The following MRO variants were observed in gnomAD, a reference collection of about 807,000 sequenced individuals.
The protein encoded by MRO is maestro.
Under a neutral mutation model 31.0 loss-of-function variants are expected in MRO, and 28 were observed. That is an observed-to-expected ratio of 0.90 (90% confidence interval 0.67 to 1.24). The LOEUF is 1.24. Among genes scored for constraint, MRO ranks in the 50% most tolerant of loss-of-function variants. MRO has a pLI of 0.00. For missense variants in MRO, 332 were observed against 289.2 expected (o/e 1.15, Z -1.07); for synonymous variants, 108 against 108.4 (o/e 1.00, Z 0.02).
At chr18:50,817,710 G>C (rs894262406) in intron 2 of MRO, among the ~76,000 whole-genome samples, 1 of 150,384 alleles carries the variant, frequency 6.6e-6, no homozygotes, top group Non-Finnish European at 1.5e-5. Context: ...GGAAGTCAGG[G>C]AGGGAGCTGG....
At chr18:50,800,206 G>A (rs1231987028) in intron 6 of MRO, 63 bp from the exon 7 acceptor site, 3 of 1,202,098 alleles carry the variant, frequency 2.5e-6, no homozygotes, top group Non-Finnish European at 3.6e-6. Context: ...GCAAGGAAAA[G>A]TATCCTAGAG....
Position 50,809,367 on chromosome 18 carries a change from G to C in MRO, c.34C>G (p.Pro12Ala). The change falls in exon 3 of 8, where the codon CCC becomes GCC. Residue 12 changes from proline to alanine, a missense_variant. Coordinates refer to ENST00000398439, the MANE Select transcript of MRO (RefSeq NM_031939.6). Reference protein sequence around the residue: ...DQRQRRILGQPLSIPTSQPKQ... With the variant: ...DQRQRRILGQALSIPTSQPKQ... ...GGCTGGGAAGTAGGGATGGAAAGGGGCTGGCCCAGGATTCTCCTCTGTCTT... is the reference window on the plus strand; with the variant it reads ...GGCTGGGAAGTAGGGATGGAAAGGGCCTGGCCCAGGATTCTCCTCTGTCTT... 6.2e-7 allele frequency: 1 copy of C among 1,613,686 alleles called. No homozygotes were observed. The highest frequency in any genetic ancestry group is 8.5e-7 in the Non-Finnish European group (1 of 1,179,806).
At position 50,798,469 on chromosome 18, in the gene MRO, A is replaced by C. The variant is rs1912970596; in HGVS notation, c.*868T>G. ...ATGATTATTGAGTATGGGCTCAAGAAGTCAGACCGTACATGTTTGAATTCC... is the reference window on the plus strand; with the variant it reads ...ATGATTATTGAGTATGGGCTCAAGACGTCAGACCGTACATGTTTGAATTCC... On this transcript the variant is annotated 3_prime_UTR_variant, in exon 8 of 8. Transcript: ENST00000398439. The C allele has an allele frequency of 6.6e-6, 1 of 152,224 alleles. No homozygotes were observed. The highest frequency in any genetic ancestry group is 2.4e-5 in the African/African-American group (1 of 41,456). 9.4% of individuals were successfully genotyped at this position (152,224 alleles called of 1,614,324 possible).
At chr18:50,804,701 A>T (rs970732559) in intron 5 of MRO, among the ~76,000 whole-genome samples, 3 of 152,206 alleles carry the variant, frequency 2.0e-5, no homozygotes, top group Admixed American at 2.0e-4. Flanking sequence ...CCCCTAGCAC[A>T]GTACTAGTCT....
intron 2 of MRO, chr18:50,815,041 T>G (rs1280683720): frequency 6.1e-6 from 1 of 164,806 alleles, no homozygotes; most frequent in Non-Finnish European, 1.3e-5. Flanking sequence ...AGCTGGGTGA[T>G]AGAGCAAGAC....
chr18:50,815,445 T>C (rs781106393), intron 2 of MRO: 1 of 264,676 alleles, frequency 3.8e-6, no homozygotes, highest in South Asian at 4.7e-5. Flanking sequence ...GTAGCCACTA[T>C]GGGTGGTGAT....
rs572927008 is a variant in MRO at position 50,796,190 on chromosome 18, T to C, written c.*3147A>G. On this transcript the variant is annotated 3_prime_UTR_variant, in exon 8 of 8. Transcript: ENST00000398439. The stretch of plus-strand genomic sequence containing the variant: ...AACTTGAAATGCACAAGCATAAAAG[T>C]AACCTGTACATTGGTTATAAGGAAT... 1.3e-5 allele frequency: 2 copies of C among 152,300 alleles called. No individual in the cohort carries two copies. The highest frequency in any genetic ancestry group is 4.1e-4 in the South Asian group (2 of 4,832). 9.4% of individuals were successfully genotyped at this position (152,300 alleles called of 1,614,324 possible).
Position 50,805,225 on chromosome 18 carries a change from T to G in MRO, c.358A>C (p.Lys120Gln). 6.2e-7 allele frequency: 1 copy of G among 1,614,094 alleles called. No homozygotes were observed. Among genetic ancestry groups the G allele is most frequent in the Non-Finnish European group, 8.5e-7 (1 of 1,179,950 alleles). The change falls in exon 5 of 8, where the codon AAG (lysine) becomes CAG (glutamine). Residue 120 changes from lysine to glutamine, a missense_variant. Transcript: ENST00000398439. ...GAACCCAAACCTTTCCCCTGGATCTTGCCCAGAACGACGGTCAGAGTCTTC... is the reference window on the plus strand; with the variant it reads ...GAACCCAAACCTTTCCCCTGGATCTGGCCCAGAACGACGGTCAGAGTCTTC... ...SMKTLTVVLG[K>Q]IQGKGLGSFF...
At chr18:50,800,840 C>T (rs1271018840) in intron 6 of MRO, among the ~76,000 whole-genome samples, 1 of 143,496 alleles carries the variant, frequency 7.0e-6, no homozygotes. Flanking sequence ...GAGCCGAGAT[C>T]ACACCACTGC....
upstream of MRO, among the ~76,000 whole-genome samples, chr18:50,821,396 A>C (rs532720127): frequency 1.0e-3 from 153 of 152,362 alleles, no homozygotes; most frequent in Non-Finnish European, 1.9e-3. Flanking sequence ...CAATTCTTCC[A>C]AATTAGCTTT....
At position 50,805,238 on chromosome 18, in the gene MRO, G is replaced by C; in HGVS notation, c.345C>G (p.Thr115=). The C allele has an allele frequency of 6.2e-7, 1 of 1,613,848 alleles. No homozygotes were observed. The highest frequency in any genetic ancestry group is 8.5e-7 in the Non-Finnish European group (1 of 1,179,814). Residue 115 remains threonine, a synonymous_variant, in exon 5 of 8, where the codon ACC becomes ACG. Transcript: ENST00000398439. ...TCCCCTGGATCTTGCCCAGAACGACGGTCAGAGTCTTCATACTCTCATGGA... is the reference window on the plus strand; with the variant it reads ...TCCCCTGGATCTTGCCCAGAACGACCGTCAGAGTCTTCATACTCTCATGGA... ...EVIHESMKTL[T]VVLGKIQGKG... is the part of the protein sequence containing the mutation.
At chr18:50,799,883 C>T (rs934241473) in intron 7 of MRO, among the ~76,000 whole-genome samples, 153 bp downstream of exon 7, 1 of 152,146 alleles carries the variant, frequency 6.6e-6, no homozygotes. Flanking sequence ...TGCACTTGCT[C>T]TTCTCAGAAA....
chr18:50,809,449 T>C, intron 2 of MRO, 45 bp from the exon 3 acceptor site: 1 of 1,325,664 alleles, frequency 7.5e-7, no homozygotes, highest in Non-Finnish European at 1.1e-6. Context: ...CAGACACTCA[T>C]CATCAACAAA....
At chr18:50,807,225 C>T (rs1478971789) in intron 3 of MRO, among the ~76,000 whole-genome samples, 1 of 152,154 alleles carries the variant, frequency 6.6e-6, no homozygotes, top group East Asian at 1.9e-4. Context: ...CCTCAAAGAG[C>T]TCCCTTTACC....
intron 2 of MRO, chr18:50,815,141 A>G (rs1914798217): frequency 1.9e-5 from 4 of 216,020 alleles, no homozygotes; most frequent in Admixed American, 1.3e-4. Context: ...GTAACTTTTG[A>G]TGATCATGAA....
intron 6 of MRO, among the ~76,000 whole-genome samples, chr18:50,800,824 T>C (rs1039907591): frequency 2.1e-5 from 3 of 146,008 alleles, no homozygotes; most frequent in Non-Finnish European, 3.0e-5. Flanking sequence ...AGGCGGAAGT[T>C]GTAGTGAGCC....
At chr18:50,804,189 A>T (rs1450529112) in intron 5 of MRO, among the ~76,000 whole-genome samples, 1 of 150,936 alleles carries the variant, frequency 6.6e-6, no homozygotes, top group African/African-American at 2.4e-5. Context: ...ATTCATGTAA[A>T]TTGCCTAGCA....
intron 3 of MRO, among the ~76,000 whole-genome samples, chr18:50,807,954 C>T (rs1196938657): frequency 1.3e-5 from 2 of 152,174 alleles, no homozygotes; most frequent in African/African-American, 2.4e-5. Context: ...GGCATGGTGG[C>T]GAATGCCTGT....
intron 2 of MRO, among the ~76,000 whole-genome samples, chr18:50,818,988 G>A (rs965673266): frequency 1.3e-5 from 2 of 152,052 alleles, no homozygotes; most frequent in South Asian, 2.1e-4. Context: ...AGGAGACAGA[G>A]GTTGCAGTGA....
Sources: gnomAD v4.1 joint callset for allele counts (sites outside exome capture counted in the v4.1 genomes callset) on GRCh38, gnomAD v4.1.1 for gene constraint, MANE v1.5 for transcripts, NCBI Gene and HGNC (gene_info 2026-07-23, HGNC 2026-07-21) for gene names.